Variants in ELAVL2 observed in about 807,000 individuals in gnomAD.
ELAVL2 encodes ELAV-like protein 2.
Under a neutral mutation model 34.6 loss-of-function variants are expected in ELAVL2, and 4 were observed. The ratio of observed to expected loss-of-function variants is 0.12; its 90% CI spans 0.06 to 0.26. The LOEUF (loss-of-function observed/expected upper bound fraction) is 0.26. Ranked by LOEUF, ELAVL2 falls within the 10% of genes least tolerant of loss-of-function variation. The pLI, the probability that ELAVL2 is intolerant of heterozygous loss-of-function variation, is 1.00. For synonymous variants in ELAVL2, 193 were observed against 154.8 expected (o/e 1.25, Z -1.83); for missense variants, 432 against 442.8 (o/e 0.98, Z 0.22).
chr9:23,694,341 T>C (rs983706124), intron 5 of ELAVL2, among the ~76,000 whole-genome samples: 4 of 152,072 alleles, frequency 2.6e-5, no homozygotes, highest in African/African-American at 9.7e-5. Flanking sequence ...ATTTTTCCTA[T>C]ATCAAATATT....
chr9:23,822,413 C>T (rs762546045), intron 1 of ELAVL2, among the ~76,000 whole-genome samples: 10 of 152,250 alleles, frequency 6.6e-5, no homozygotes, highest in Non-Finnish European at 8.8e-5. Context: ...AAATCCTGCA[C>T]TCGACTATGC....
At chr9:23,776,274 G>A (rs1228588873) in intron 1 of ELAVL2, among the ~76,000 whole-genome samples, 1 of 152,128 alleles carries the variant, frequency 6.6e-6, no homozygotes, top group African/African-American at 2.4e-5. Context: ...AACTTCAAGT[G>A]GAATCAGCAT....
chr9:23,825,742 G>C (rs577021956), intron 1 of ELAVL2, 64 bp downstream of exon 1: 2 of 152,326 alleles, frequency 1.3e-5, no homozygotes, highest in South Asian at 4.1e-4. Flanking sequence ...CTCACTTACA[G>C]GTTTTCTGGG....
At chr9:23,764,495 T>G (rs2055788756) in intron 1 of ELAVL2, among the ~76,000 whole-genome samples, 1 of 152,170 alleles carries the variant, frequency 6.6e-6, no homozygotes, top group African/African-American at 2.4e-5. Context: ...ATGTGCTATA[T>G]TTTACAAATA....
chr9:23,757,491 G>C (rs1044485681), intron 2 of ELAVL2, among the ~76,000 whole-genome samples: 6 of 151,896 alleles, frequency 4.0e-5, no homozygotes, highest in Non-Finnish European at 8.8e-5. Context: ...AAGGGAGAGG[G>C]TTGGTTAAGG....
chr9:23,772,089 T>G (rs896122396), intron 1 of ELAVL2, among the ~76,000 whole-genome samples: 1 of 152,222 alleles, frequency 6.6e-6, no homozygotes, highest in African/African-American at 2.4e-5. Flanking sequence ...CAGATTAATC[T>G]GAATTGCTAA....
chr9:23,730,042 T>C (rs922145204), intron 3 of ELAVL2, among the ~76,000 whole-genome samples: 1 of 152,068 alleles, frequency 6.6e-6, no homozygotes, highest in African/African-American at 2.4e-5. Flanking sequence ...ATAGAAGTTG[T>C]CTGGAACACT....
rs1587833003 is a variant in ELAVL2, at chr9:23,731,143, GA to G, written c.230-19del. The stretch of plus-strand genomic sequence containing the variant: ...GCTCTGCCCTAATGAAAAGGAAGGG[GA>G]AAAAGGCATATATTAGTTCTATACT... On this transcript the variant is annotated intron_variant, in intron 2 of 6. Coordinates refer to ENST00000397312, the MANE Select transcript of ELAVL2 (RefSeq NM_004432.5). 1.9e-6 allele frequency: 3 copies of G among 1,602,874 alleles called. No homozygotes were observed. Among genetic ancestry groups the G allele is most frequent in the African/African-American group, 1.3e-5 (1 of 74,436 alleles).
chr9:23,835,307 A>T, the ELAVL2 span, among the ~76,000 whole-genome samples: 3 of 151,964 alleles, frequency 2.0e-5, no homozygotes, highest in African/African-American at 7.2e-5. Flanking sequence ...CATTATTCTT[A>T]TTTATCATTC....
At chr9:23,821,014 G>C (rs569164492) in intron 1 of ELAVL2, among the ~76,000 whole-genome samples, 62 of 152,300 alleles carry the variant, frequency 4.1e-4, no homozygotes, top group African/African-American at 1.5e-3. Context: ...CAACGCGGCC[G>C]GTGTTAAGTC....
intron 1 of ELAVL2, among the ~76,000 whole-genome samples, chr9:23,789,764 A>G (rs993867048): frequency 7.9e-5 from 12 of 152,236 alleles, no homozygotes; most frequent in Admixed American, 2.0e-4. Flanking sequence ...GTAAATAAAC[A>G]TTCTTAAAGA....
At position 23,782,265 on chromosome 9, in the gene ELAVL2, A is replaced by G. The variant is rs150309160; in HGVS notation, c.-15-20016T>C. ...CCTGAAAAATTCAAAATCAAAGTAC[A>G]TCGTAAGCATTTGCTCAGAGGCTAG... On this transcript the variant is annotated intron_variant, in intron 1 of 6. Transcript: ENST00000397312. Among the ~76,000 whole-genome samples, 135 of 152,374 alleles carry G rather than the reference A, an allele frequency of 8.9e-4. 1 individual carries two copies. Among genetic ancestry groups the G allele is most frequent in the African/African-American group, 3.2e-3 (132 of 41,594 alleles).
At position 23,701,607 on chromosome 9, in the gene ELAVL2, A is replaced by G. The variant is rs531066906; in HGVS notation, c.488-3T>C. On this transcript the variant is annotated splice_polypyrimidine_tract_variant and splice_region_variant and intron_variant, in intron 4 of 6. Transcript: ENST00000397312. The stretch of plus-strand genomic sequence containing the variant: ...AAACCCTACACCCCTTGATATGCCT[A>G]TGGTAGATTTGAGTAAAGATTTGGA... 6.2e-7 allele frequency: 1 copy of G among 1,612,642 alleles called. No homozygotes were observed. The highest frequency in any genetic ancestry group is 2.2e-5 in the East Asian group (1 of 44,848).
intron 3 of ELAVL2, among the ~76,000 whole-genome samples, chr9:23,716,065 A>C (rs2042218306): frequency 6.6e-6 from 1 of 151,572 alleles, no homozygotes; most frequent in Non-Finnish European, 1.5e-5. Flanking sequence ...CCTTTACTTA[A>C]ATCTTTGTTT....
chr9:23,742,651 A>G (rs756203450), intron 2 of ELAVL2, among the ~76,000 whole-genome samples: 6 of 152,200 alleles, frequency 3.9e-5, no homozygotes, highest in African/African-American at 4.8e-5. Flanking sequence ...AATTCCTTTT[A>G]TATCAAAAAG....
At chr9:23,720,535 C>T (rs1177229335) in intron 3 of ELAVL2, among the ~76,000 whole-genome samples, 1 of 152,064 alleles carries the variant, frequency 6.6e-6, no homozygotes, top group African/African-American at 2.4e-5. Flanking sequence ...CCCTCAGAAG[C>T]AAATAAATTA....
At chr9:23,779,259 TG>T (rs1183273650) in intron 1 of ELAVL2, 1 of 985,446 alleles carries the variant, frequency 1.0e-6, no homozygotes, top group African/African-American at 1.7e-5. Flanking sequence ...CTGCTGCTTT[TG>T]GTTTACCCCA....
chr9:23,850,293 A>G, the ELAVL2 span, among the ~76,000 whole-genome samples: 1 of 122,382 alleles, frequency 8.2e-6, no homozygotes, highest in African/African-American at 3.1e-5. Flanking sequence ...GCCTCCAGCC[A>G]GCTCAACTGC....
At chr9:23,821,929 G>A (rs1292530678) in intron 1 of ELAVL2, 2 of 151,268 alleles carry the variant, frequency 1.3e-5, no homozygotes, top group Non-Finnish European at 2.9e-5. Flanking sequence ...CGCGGCCGCC[G>A]CCGGCGCGTG....
Sources: allele counts gnomAD v4.1 joint callset (sites outside exome capture counted in the v4.1 genomes callset), GRCh38; gene constraint gnomAD v4.1.1; transcripts MANE v1.5; gene names NCBI Gene and HGNC (gene_info 2026-07-23, HGNC 2026-07-21).